The following BMPR1B variants were observed in gnomAD, a reference collection of about 807,000 sequenced individuals.
The protein encoded by BMPR1B is bone morphogenetic protein receptor type 1B.
BMPR1B carries 12 observed loss-of-function variants against 59.1 expected under a neutral mutation model. That is an observed-to-expected ratio of 0.20 (90% CI 0.13 to 0.33). BMPR1B has a LOEUF of 0.33. BMPR1B is among the 10% of genes least tolerant of loss of function. The pLI, the probability that BMPR1B is intolerant of heterozygous loss-of-function variation, is 1.00. For synonymous variants in BMPR1B, 237 were observed against 207.3 expected, an observed-to-expected ratio of 1.14 and a Z score of -1.23; for missense variants, 550 against 610.9, an observed-to-expected ratio of 0.90 and a Z score of 1.05.
At chr4:95,049,958 C>CT (rs1229213156) in intron 3 of BMPR1B, among the ~76,000 whole-genome samples, 2 of 151,912 alleles carry the variant, frequency 1.3e-5, no homozygotes, top group Non-Finnish European at 2.9e-5. Context: ...GAGATTCTGT[C>CT]TTTAACTTTC....
intron 3 of BMPR1B, among the ~76,000 whole-genome samples, chr4:95,042,418 T>A (rs543122364): frequency 8.5e-5 from 13 of 152,118 alleles, no homozygotes; most frequent in African/African-American, 3.1e-4. Context: ...CTTCATTTCA[T>A]GCAAAAAAAA....
chr4:95,140,326 T>C (rs924765162), intron 10 of BMPR1B, among the ~76,000 whole-genome samples: 3 of 151,960 alleles, frequency 2.0e-5, no homozygotes, highest in Non-Finnish European at 4.4e-5. Flanking sequence ...AGAACTTTTT[T>C]CCTAACACCA....
At chr4:95,003,098 CAT>C (rs1722565635) in intron 3 of BMPR1B, among the ~76,000 whole-genome samples, 2 of 151,992 alleles carry the variant, frequency 1.3e-5, no homozygotes, top group South Asian at 4.1e-4. Context: ...TGTTTTGAAA[CAT>C]AAGTATGTTT....
chr4:94,918,220 A>G (rs1387959940), intron 2 of BMPR1B, among the ~76,000 whole-genome samples: 3 of 152,038 alleles, frequency 2.0e-5, no homozygotes, highest in Non-Finnish European at 4.4e-5. Context: ...GAAGGTTTTT[A>G]TTCTCTAATT....
chr4:94,865,599 G>GC (rs1726192744), intron 1 of BMPR1B, among the ~76,000 whole-genome samples: 2 of 151,738 alleles, frequency 1.3e-5, no homozygotes, highest in Non-Finnish European at 2.9e-5. Context: ...CACTATATTG[G>GC]CCAGGCTGGT....
chr4:94,902,373 A>G (rs1214546439), intron 2 of BMPR1B, among the ~76,000 whole-genome samples: 1 of 151,458 alleles, frequency 6.6e-6, no homozygotes, highest in African/African-American at 2.4e-5. Context: ...ACAGAACACA[A>G]TTGTGTCTGT....
At chr4:95,127,987 C>T (rs1022992645) in intron 8 of BMPR1B, among the ~76,000 whole-genome samples, 3 of 151,702 alleles carry the variant, frequency 2.0e-5, no homozygotes, top group African/African-American at 2.4e-5. Context: ...CAGGCTCAAG[C>T]GATCCTCCCA....
At chr4:94,989,421 T>A (rs1721605269) in intron 2 of BMPR1B, among the ~76,000 whole-genome samples, 1 of 151,254 alleles carries the variant, frequency 6.6e-6, no homozygotes, top group African/African-American at 2.4e-5. Context: ...AATCATTCAC[T>A]ACTTAGCTTC....
At chr4:94,934,540 C>T (rs1302450173) in intron 2 of BMPR1B, among the ~76,000 whole-genome samples, 1 of 144,998 alleles carries the variant, frequency 6.9e-6, no homozygotes, top group African/African-American at 2.6e-5. Context: ...AACTTGTTGC[C>T]GAAGGTGCTA....
intron 3 of BMPR1B, among the ~76,000 whole-genome samples, chr4:95,096,946 C>A (rs1730451664): frequency 7.2e-6 from 1 of 139,402 alleles, no homozygotes. Context: ...ATATATGTAA[C>A]TAAAGTTATA....
At chr4:94,914,540 C>T (rs1461540535) in intron 2 of BMPR1B, among the ~76,000 whole-genome samples, 1 of 151,956 alleles carries the variant, frequency 6.6e-6, no homozygotes, top group African/African-American at 2.4e-5. Flanking sequence ...GGTGAGTATG[C>T]ATGCAAAGGA....
At position 94,858,695 on chromosome 4, in the gene BMPR1B, A is replaced by G. The variant is rs1405413749; in HGVS notation, c.-182-17136A>G. 2.6e-5 allele frequency among the ~76,000 whole-genome samples: 4 copies of G among 152,170 alleles called. No homozygotes were observed. In the East Asian group the frequency reaches 7.7e-4, roughly 29 times the overall value. ...TTTGAATACAACTCTTGTTATTTGT[A>G]TTAACTCCAATCAAATGAAAAATGG... On this transcript the variant is annotated intron_variant, in intron 1 of 12. Transcript: ENST00000515059.
intron 3 of BMPR1B, among the ~76,000 whole-genome samples, chr4:95,079,928 T>C (rs138845096): frequency 0.025 from 3,810 of 152,256 alleles, 73 homozygotes; most frequent in Middle Eastern, 0.037. Flanking sequence ...ATATGCTTGT[T>C]TACTCTCATA....
rs1735500272 is a variant in BMPR1B at position 95,157,424 on chromosome 4, TTTTA to T, written c.*2755_*2758del. ...TCTAGTGGCTCAGAAGTGAATTTTATTTTATTTGTCTTTCACTTGAATAAATGAG... is the reference window on the plus strand; with the variant it reads ...TCTAGTGGCTCAGAAGTGAATTTTATTTTGTCTTTCACTTGAATAAATGAG... On this transcript the variant is annotated 3_prime_UTR_variant, in exon 13 of 13. Coordinates refer to ENST00000515059, the MANE Select transcript of BMPR1B (RefSeq NM_001203.3). 6.6e-6 allele frequency: 1 copy of T among 152,086 alleles called. No homozygotes were observed. The highest frequency in any genetic ancestry group is 2.4e-5 in the African/African-American group (1 of 41,434). The allele number at this position is 152,086 out of a possible 1,614,324, so 9.4% of individuals were successfully genotyped here. A position where few individuals can be genotyped will look rare whatever the true frequency, so the allele number is the denominator to read the frequency against.
intron 1 of BMPR1B, among the ~76,000 whole-genome samples, chr4:94,765,862 G>A (rs1157458198): frequency 6.6e-6 from 1 of 152,182 alleles, no homozygotes; most frequent in African/African-American, 2.4e-5. Flanking sequence ...ATGGATGGCA[G>A]CATAGCCTCC....
intron 2 of BMPR1B, among the ~76,000 whole-genome samples, chr4:94,894,576 C>G (rs1181645451): frequency 1.3e-5 from 2 of 151,884 alleles, no homozygotes; most frequent in Admixed American, 6.6e-5. Flanking sequence ...AAAGGATTGA[C>G]TTTTTAAGGA....
intron 3 of BMPR1B, among the ~76,000 whole-genome samples, chr4:95,099,991 A>G (rs1197344714): frequency 6.6e-6 from 1 of 152,178 alleles, no homozygotes; most frequent in East Asian, 1.9e-4. Flanking sequence ...TAAATTTAAA[A>G]TACATAAGTC....
At chr4:94,963,598 T>G (rs556043381) in intron 2 of BMPR1B, among the ~76,000 whole-genome samples, 32 of 152,294 alleles carry the variant, frequency 2.1e-4, no homozygotes, top group Non-Finnish European at 3.8e-4. Flanking sequence ...TTGAAGAGAC[T>G]GTCCTTTCCC....
At chr4:95,011,231 C>A (rs1723205317) in intron 3 of BMPR1B, among the ~76,000 whole-genome samples, 1 of 151,966 alleles carries the variant, frequency 6.6e-6, no homozygotes, top group African/African-American at 2.4e-5. Flanking sequence ...TGCTCCTCTC[C>A]CTCCGCCCAC....
Sources: allele counts gnomAD v4.1 joint callset (sites outside exome capture counted in the v4.1 genomes callset), GRCh38; gene constraint gnomAD v4.1.1; transcripts MANE v1.5; gene names NCBI Gene and HGNC (gene_info 2026-07-23, HGNC 2026-07-21).